SCARA5: variants seen among roughly 807,000 people sequenced by gnomAD.
SCARA5 encodes the protein scavenger receptor class A member 5.
Under a neutral mutation model 46.3 loss-of-function variants are expected in SCARA5, and 45 were observed. The ratio of observed to expected loss-of-function variants is 0.97; its 90% CI spans 0.76 to 1.24. The LOEUF (loss-of-function observed/expected upper bound fraction) is 1.24. SCARA5 is among the 50% of genes most tolerant of loss of function. The probability of loss-of-function intolerance (pLI) is 0.00; values close to 1 mark genes in which losing one functional copy is unlikely to be tolerated. For missense variants in SCARA5, 680 were observed against 689.0 expected, an observed-to-expected ratio of 0.99 and a Z score of 0.15; for synonymous variants, 333 against 306.5, an observed-to-expected ratio of 1.09 and a Z score of -0.90.
chr8:27,959,287 T>C (rs1352498662), intron 3 of SCARA5, among the ~76,000 whole-genome samples: 1 of 152,022 alleles, frequency 6.6e-6, no homozygotes, highest in Non-Finnish European at 1.5e-5. Flanking sequence ...AATATCAACA[T>C]CCATGGTCAC....
chr8:27,964,882 C>T (rs1808345102), intron 3 of SCARA5, among the ~76,000 whole-genome samples: 1 of 152,156 alleles, frequency 6.6e-6, no homozygotes. Context: ...CTAAAAGTCC[C>T]TGTTCTGGTT....
intron 3 of SCARA5, among the ~76,000 whole-genome samples, chr8:27,958,220 G>A (rs983850732): frequency 1.3e-5 from 2 of 152,216 alleles, no homozygotes; most frequent in African/African-American, 2.4e-5. Context: ...CGGCTCAGGC[G>A]TGGTCAGAGG....
In SCARA5 at chr8:27,978,443, A is replaced by C. The variant is rs546541852; in HGVS notation, c.112+9061T>G. Among the ~76,000 whole-genome samples, 4 of 152,210 alleles carry C rather than the reference A, an allele frequency of 2.6e-5. No homozygotes were observed. In the East Asian group the frequency reaches 5.8e-4, roughly 22 times the overall value. ...TGCTGCTCTAGAAAGGCTTTTCACC[A>C]ATCACTGAAATCTAAATCCCATGTT... On this transcript the variant is annotated intron_variant, in intron 2 of 8. Transcript: ENST00000354914.
chr8:27,870,490 GGC>G lies in SCARA5; in HGVS notation c.*1442_*1443del, dbSNP rs1309506224. 3.7e-4 allele frequency: 57 copies of G among 152,084 alleles called. No homozygotes were observed. Among genetic ancestry groups the G allele is most frequent in the African/African-American group, 1.4e-3 (57 of 41,274 alleles). The allele number at this position is 152,084 out of a possible 1,614,324, so 9.4% of individuals were successfully genotyped here. On this transcript the variant is annotated 3_prime_UTR_variant, in exon 9 of 9. Coordinates refer to ENST00000354914, the MANE Select transcript of SCARA5 (RefSeq NM_173833.6). ...GTGTTGCTGTTCCTACACCTGGAGG[GGC>G]CCAGGTCTCTCCCCAAGCAGGCCAG...
At chr8:27,927,252 C>T (rs1357001755) in intron 3 of SCARA5, among the ~76,000 whole-genome samples, 1 of 152,124 alleles carries the variant, frequency 6.6e-6, no homozygotes, top group Non-Finnish European at 1.5e-5. Context: ...AGCTCTGGGC[C>T]CTGCTCCCTG....
At chr8:27,957,599 AG>A (rs1447658505) in intron 3 of SCARA5, among the ~76,000 whole-genome samples, 1 of 152,230 alleles carries the variant, frequency 6.6e-6, no homozygotes, top group Non-Finnish European at 1.5e-5. Context: ...ATTCTGCCTC[AG>A]ACCAGGAGGC....
chr8:27,883,247 C>T (rs55830404), intron 7 of SCARA5, among the ~76,000 whole-genome samples: 1 of 152,046 alleles, frequency 6.6e-6, no homozygotes, highest in Non-Finnish European at 1.5e-5. Flanking sequence ...CCAAAGAACA[C>T]CAGAGCAACT....
Position 27,991,669 on chromosome 8 carries a change from CAT to C in SCARA5, c.-16+586_-16+587del, listed in dbSNP as rs570449036. On this transcript the variant is annotated intron_variant, in intron 1 of 8. Coordinates refer to ENST00000354914, the MANE Select transcript of SCARA5 (RefSeq NM_173833.6). ...TCATCAAAACCAAGGAAAAAAATCACATGAGTGTGGCCCTTCTCCAAAGAGAG... is the reference window on the plus strand; with the variant it reads ...TCATCAAAACCAAGGAAAAAAATCACGAGTGTGGCCCTTCTCCAAAGAGAG... 2.9e-3 allele frequency among the ~76,000 whole-genome samples: 436 copies of C among 152,294 alleles called. 2 individuals are homozygous for C. Among genetic ancestry groups the C allele is most frequent in the African/African-American group, 9.9e-3 (413 of 41,570 alleles).
At chr8:27,956,565 T>A (rs921010795) in intron 3 of SCARA5, among the ~76,000 whole-genome samples, 1 of 152,222 alleles carries the variant, frequency 6.6e-6, no homozygotes. Flanking sequence ...ATTTTATTGG[T>A]GTTTAAAAAT....
chr8:27,923,291 T>C (rs1018252972), intron 3 of SCARA5, among the ~76,000 whole-genome samples: 31 of 152,188 alleles, frequency 2.0e-4, no homozygotes, highest in African/African-American at 7.5e-4. Context: ...TCCCTTCTGC[T>C]CACGTGCTGT....
chr8:27,916,717 C>T (rs1019049499), intron 4 of SCARA5, among the ~76,000 whole-genome samples: 5 of 152,140 alleles, frequency 3.3e-5, no homozygotes, highest in African/African-American at 1.2e-4. Context: ...AATTACCAGG[C>T]ACCTGGCAAC....
At chr8:27,892,672 C>A (rs796273998) in intron 7 of SCARA5, among the ~76,000 whole-genome samples, 17 of 140,680 alleles carry the variant, frequency 1.2e-4, no homozygotes, top group African/African-American at 4.6e-4. Context: ...TGCAGTGGTG[C>A]GATCTTGGCT....
At chr8:27,932,440 G>A (rs1045132123) in intron 3 of SCARA5, among the ~76,000 whole-genome samples, 5 of 152,224 alleles carry the variant, frequency 3.3e-5, no homozygotes, top group African/African-American at 1.2e-4. Context: ...TCCGGCTGCT[G>A]TAATAGGATA....
At chr8:27,974,944 T>G (rs1808500958) in intron 2 of SCARA5, among the ~76,000 whole-genome samples, 1 of 152,012 alleles carries the variant, frequency 6.6e-6, no homozygotes, top group South Asian at 2.1e-4. Context: ...CTTCTAAAGC[T>G]CTTGGGATTT....
intron 3 of SCARA5, among the ~76,000 whole-genome samples, chr8:27,951,724 C>T (rs536712060): frequency 6.6e-6 from 1 of 152,318 alleles, no homozygotes; most frequent in East Asian, 1.9e-4. Context: ...CTTCCTCTTC[C>T]TCATGCAGGG....
intron 3 of SCARA5, among the ~76,000 whole-genome samples, chr8:27,924,501 T>C (rs1433744993): frequency 6.6e-6 from 1 of 151,936 alleles, no homozygotes; most frequent in Admixed American, 6.6e-5. Flanking sequence ...GCTGAAGGGG[T>C]CTTGGAGCCT....
chr8:27,892,232 C>T (rs1470222828), intron 7 of SCARA5, among the ~76,000 whole-genome samples: 2 of 152,208 alleles, frequency 1.3e-5, no homozygotes, highest in Non-Finnish European at 2.9e-5. Context: ...GGCAGTGGCC[C>T]CCAGAACGGC....
At chr8:27,893,356 G>T (rs1807016302) in intron 7 of SCARA5, among the ~76,000 whole-genome samples, 1 of 152,200 alleles carries the variant, frequency 6.6e-6, no homozygotes, top group Non-Finnish European at 1.5e-5. Flanking sequence ...CAATGCTAGG[G>T]CTGCGACCAC....
chr8:27,938,741 G>C (rs946911385), intron 3 of SCARA5, among the ~76,000 whole-genome samples: 2 of 152,076 alleles, frequency 1.3e-5, no homozygotes, highest in African/African-American at 4.8e-5. Flanking sequence ...GAAAATTAAA[G>C]AGGAAAAAAA....
Sources: allele counts gnomAD v4.1 joint callset (sites outside exome capture counted in the v4.1 genomes callset), GRCh38; gene constraint gnomAD v4.1.1; transcripts MANE v1.5; gene names NCBI Gene and HGNC (gene_info 2026-07-23, HGNC 2026-07-21).